TFDP2: variants seen among roughly 807,000 people sequenced by gnomAD.
The protein encoded by TFDP2 is transcription factor Dp-2.
In TFDP2, 17 loss-of-function variants were observed where a neutral mutation model predicts 59.3. The observed-to-expected ratio is 0.29, with a 90% CI of 0.20 to 0.43. The LOEUF (loss-of-function observed/expected upper bound fraction) is 0.43. TFDP2 is among the 20% of genes least tolerant of loss of function. The pLI, the probability that TFDP2 is intolerant of heterozygous loss-of-function variation, is 1.00. For missense variants in TFDP2, 391 were observed against 528.8 expected (o/e 0.74, Z 2.56); for synonymous variants, 180 against 194.7 (o/e 0.92, Z 0.63).
chr3:141,987,089 C>T (rs985736092), intron 6 of TFDP2, among the ~76,000 whole-genome samples: 1 of 152,070 alleles, frequency 6.6e-6, no homozygotes, highest in Non-Finnish European at 1.5e-5. Context: ...CATTTTATTT[C>T]TTCATTTACA....
At chr3:142,130,122 AG>A (rs1332908661) in intron 1 of TFDP2, among the ~76,000 whole-genome samples, 1 of 152,144 alleles carries the variant, frequency 6.6e-6, no homozygotes, top group Non-Finnish European at 1.5e-5. Flanking sequence ...ATTGAAAGCA[AG>A]GTCTCAAAGA....
In TFDP2 at chr3:141,945,013, T is replaced by C. The variant is rs1935088282; in HGVS notation, c.*7500A>G. On this transcript the variant is annotated 3_prime_UTR_variant, in exon 13 of 13. Coordinates refer to ENST00000489671, the MANE Select transcript of TFDP2 (RefSeq NM_001178139.2). Reference sequence around the variant, plus strand: ...ATGTGGCACCACGATGTATCCTTCATGCAGAAAAAAGGAGAACTATATTTT... The same window carrying C: ...ATGTGGCACCACGATGTATCCTTCACGCAGAAAAAAGGAGAACTATATTTT... 6.6e-6 allele frequency: 1 copy of C among 152,094 alleles called. No individual in the cohort carries two copies. Among genetic ancestry groups the C allele is most frequent in the African/African-American group, 2.4e-5 (1 of 41,422 alleles). 9.4% of individuals were successfully genotyped at this position (152,094 alleles called of 1,614,324 possible).
At chr3:142,072,848 G>T (rs1438756243) in intron 3 of TFDP2, among the ~76,000 whole-genome samples, 1 of 152,170 alleles carries the variant, frequency 6.6e-6, no homozygotes, top group African/African-American at 2.4e-5. Flanking sequence ...GCACCAAAGA[G>T]TTCTAATTGG....
At chr3:141,956,915 C>G (rs1936746497) in intron 11 of TFDP2, among the ~76,000 whole-genome samples, 1 of 147,062 alleles carries the variant, frequency 6.8e-6, no homozygotes, top group Admixed American at 7.1e-5. Flanking sequence ...GCAAGACTCT[C>G]TCCCCTCCAC....
At chr3:141,957,384 G>C (rs1456273404) in intron 11 of TFDP2, among the ~76,000 whole-genome samples, 1 of 152,186 alleles carries the variant, frequency 6.6e-6, no homozygotes, top group Non-Finnish European at 1.5e-5. Flanking sequence ...AAATGGTACA[G>C]GAGCTTTGGA....
chr3:141,991,510 G>C (rs1322473108), intron 6 of TFDP2, among the ~76,000 whole-genome samples: 1 of 152,172 alleles, frequency 6.6e-6, no homozygotes, highest in Non-Finnish European at 1.5e-5. Context: ...TATAATCTCA[G>C]CACTTTGGGA....
In TFDP2 at chr3:141,959,298, T is replaced by C. The variant is rs550784825; in HGVS notation, c.1051+376A>G. On this transcript the variant is annotated intron_variant, in intron 11 of 12. Transcript: ENST00000489671. ...TTTTGTAAATTGCCCAAAGTTTCCC[T>C]TGAAGTATCCACAGGGCACTAAGAG... Among the ~76,000 whole-genome samples, 4 of 152,240 alleles carry C rather than the reference T, an allele frequency of 2.6e-5. No individual in the cohort carries two copies. In the South Asian group the frequency reaches 8.3e-4, roughly 32 times the overall value.
At chr3:142,064,878 C>T (rs1264121621) in intron 3 of TFDP2, among the ~76,000 whole-genome samples, 1 of 152,196 alleles carries the variant, frequency 6.6e-6, no homozygotes, top group Non-Finnish European at 1.5e-5. Context: ...TTTAAAAACA[C>T]TTTAATATTT....
chr3:141,984,995 G>A (rs1248452012), intron 6 of TFDP2, among the ~76,000 whole-genome samples: 3 of 151,864 alleles, frequency 2.0e-5, no homozygotes, highest in Non-Finnish European at 4.4e-5. Flanking sequence ...AGAGTAGCCT[G>A]TTCTTCATTC....
At position 141,952,332 on chromosome 3, in the gene TFDP2, A is replaced by C; in HGVS notation, c.*181T>G. On this transcript the variant is annotated 3_prime_UTR_variant, in exon 13 of 13. Transcript: ENST00000489671. ...TGTTGGCCAGACTTTCATTCACACT[A>C]TGTTAACTTTCATCTCAATCATCTC... is the stretch of plus-strand genomic sequence containing the variant. 53 of 501,740 alleles carry C rather than the reference A, an allele frequency of 1.1e-4. No homozygotes were observed. The highest frequency in any genetic ancestry group is 1.1e-4 in the Non-Finnish European group (34 of 298,286). 31.1% of individuals were successfully genotyped at this position (501,740 alleles called of 1,614,324 possible).
Position 141,949,807 on chromosome 3 carries a change from A to ACTTT in TFDP2, c.*2705_*2706insAAAG. On this transcript the variant is annotated 3_prime_UTR_variant, in exon 13 of 13. Coordinates refer to ENST00000489671, the MANE Select transcript of TFDP2 (RefSeq NM_001178139.2). ...CCTGGGCATTGTGACCACAACTTCCATTTTTTTTTTTTTTTTTTTTGAGAC... is the reference window on the plus strand; with the variant it reads ...CCTGGGCATTGTGACCACAACTTCCACTTTTTTTTTTTTTTTTTTTTTTTGAGAC... 1 of 98,030 alleles carries ACTTT rather than the reference A, an allele frequency of 1.0e-5. No individual in the cohort carries two copies. The highest frequency in any genetic ancestry group is 4.4e-5 in the African/African-American group (1 of 22,924). 6.1% of individuals were successfully genotyped at this position (98,030 alleles called of 1,614,324 possible).
At position 142,014,438 on chromosome 3, in the gene TFDP2, C is replaced by T. The variant is rs964203494; in HGVS notation, c.83-8894G>A. 6.6e-5 allele frequency among the ~76,000 whole-genome samples: 10 copies of T among 152,224 alleles called. No homozygotes were observed. The East Asian group carries it at 1.9e-3, about 29-fold the overall frequency. On this transcript the variant is annotated intron_variant, in intron 3 of 12. Transcript: ENST00000489671. ...GGGATTCCAGGCATGAGCCACCACA[C>T]CCAGCATAAATAAGTTAAAATGACC... is the stretch of plus-strand genomic sequence containing the variant.
At chr3:142,051,475 G>A (rs1232745619) in intron 3 of TFDP2, among the ~76,000 whole-genome samples, 3 of 150,668 alleles carry the variant, frequency 2.0e-5, no homozygotes, top group Non-Finnish European at 4.4e-5. Context: ...GGAGGCGGAG[G>A]TTGCACCACT....
intron 3 of TFDP2, among the ~76,000 whole-genome samples, chr3:142,042,452 C>T (rs866076287): frequency 2.6e-5 from 4 of 151,840 alleles, no homozygotes; most frequent in Middle Eastern, 6.8e-3. Context: ...CCACCACGCC[C>T]GGCTAATTTT....
chr3:142,091,467 G>A, intron 3 of TFDP2, among the ~76,000 whole-genome samples: 1 of 152,082 alleles, frequency 6.6e-6, no homozygotes, highest in East Asian at 1.9e-4. Context: ...TTGGGAGGCT[G>A]AGGAAGGAGA....
intron 4 of TFDP2, among the ~76,000 whole-genome samples, chr3:141,998,189 T>C (rs1560001358): frequency 6.6e-6 from 1 of 152,056 alleles, no homozygotes; most frequent in Non-Finnish European, 1.5e-5. Context: ...ACTAGGATAA[T>C]GAGAGTGAAA....
At chr3:142,077,452 G>T (rs1245068909) in intron 3 of TFDP2, among the ~76,000 whole-genome samples, 1 of 152,028 alleles carries the variant, frequency 6.6e-6, no homozygotes, top group Admixed American at 6.6e-5. Flanking sequence ...GGAGAAGGAA[G>T]TTAAGAGGAC....
intron 3 of TFDP2, among the ~76,000 whole-genome samples, chr3:142,059,497 G>GA (rs1401959122): frequency 6.6e-6 from 1 of 151,648 alleles, no homozygotes. Context: ...AGAGAGTTGT[G>GA]AAAAAAAAGC....
At chr3:141,996,446 A>T (rs1229447760) in intron 4 of TFDP2, among the ~76,000 whole-genome samples, 1 of 152,244 alleles carries the variant, frequency 6.6e-6, no homozygotes, top group African/African-American at 2.4e-5. Flanking sequence ...AAATATCTAC[A>T]GGGACTACAA....
Sources: gnomAD v4.1 joint callset for allele counts (sites outside exome capture counted in the v4.1 genomes callset) on GRCh38, gnomAD v4.1.1 for gene constraint, MANE v1.5 for transcripts, NCBI Gene and HGNC (gene_info 2026-07-23, HGNC 2026-07-21) for gene names.